Variants in ADAMTS17 observed in about 807,000 individuals in gnomAD.
The protein encoded by ADAMTS17 is A disintegrin and metalloproteinase with thrombospondin motifs 17.
Under a neutral mutation model 141.5 loss-of-function variants are expected in ADAMTS17, and 113 were observed. The ratio of observed to expected loss-of-function variants is 0.80; its 90% CI spans 0.69 to 0.93. The LOEUF is 0.93. Among genes scored for constraint, ADAMTS17 ranks in the 40% least tolerant of loss-of-function variants. The probability of loss-of-function intolerance (pLI) is 0.00; values close to 1 mark genes in which losing one functional copy is unlikely to be tolerated. For synonymous variants in ADAMTS17, 768 were observed against 630.6 expected, an observed-to-expected ratio of 1.22 and a Z score of -3.27; for missense variants, 1,659 against 1,517.9, an observed-to-expected ratio of 1.09 and a Z score of -1.54.
At chr15:100,299,237 C>T (rs552082653) in intron 3 of ADAMTS17, among the ~76,000 whole-genome samples, 1 of 152,038 alleles carries the variant, frequency 6.6e-6, no homozygotes, top group African/African-American at 2.4e-5. Flanking sequence ...ACTCATCTTC[C>T]CTGCCTCAAG....
intron 17 of ADAMTS17, 87 bp from the exon 18 acceptor site, chr15:100,049,079 G>A (rs1206459668): frequency 8.1e-6 from 13 of 1,600,630 alleles, no homozygotes; most frequent in Non-Finnish European, 1.1e-5. Flanking sequence ...AGCATGTTTG[G>A]GTGCTGCTGA....
At chr15:100,274,124 A>G (rs11247177) in intron 4 of ADAMTS17, among the ~76,000 whole-genome samples, 26,032 of 152,070 alleles carry the variant, frequency 0.17, 2,429 homozygotes, top group East Asian at 0.35. Context: ...AGAATGTCCC[A>G]TGTTCCCTTG....
chr15:100,328,286 C>T (rs1440569028), intron 3 of ADAMTS17, among the ~76,000 whole-genome samples: 2 of 152,154 alleles, frequency 1.3e-5, no homozygotes, highest in Non-Finnish European at 2.9e-5. Context: ...AAAGCTAATC[C>T]AAACTAGATA....
intron 18 of ADAMTS17, among the ~76,000 whole-genome samples, chr15:100,039,698 C>A (rs1273020463): frequency 6.6e-6 from 1 of 152,114 alleles, no homozygotes; most frequent in African/African-American, 2.4e-5. Context: ...TGTGCAAATT[C>A]TGCTGTTGTT....
intron 3 of ADAMTS17, among the ~76,000 whole-genome samples, chr15:100,325,364 G>A (rs2045867200): frequency 6.6e-6 from 1 of 152,172 alleles, no homozygotes; most frequent in Admixed American, 6.5e-5. Flanking sequence ...TTAAAATAAA[G>A]CACAACAGTG....
intron 7 of ADAMTS17, among the ~76,000 whole-genome samples, chr15:100,247,061 T>G (rs115100072): frequency 0.016 from 2,427 of 151,896 alleles, 69 homozygotes; most frequent in African/African-American, 0.056. Context: ...TTTTTTGTAT[T>G]TTTTTTGTAG....
intron 7 of ADAMTS17, among the ~76,000 whole-genome samples, chr15:100,240,063 G>A (rs1027735944): frequency 2.7e-4 from 41 of 152,178 alleles, no homozygotes; most frequent in African/African-American, 8.7e-4. Flanking sequence ...CCTGCTCCAC[G>A]TGTACCGGGA....
chr15:100,052,548 C>G (rs566735246), intron 16 of ADAMTS17, among the ~76,000 whole-genome samples: 1 of 152,302 alleles, frequency 6.6e-6, no homozygotes, highest in South Asian at 2.1e-4. Context: ...TTTACAAAGG[C>G]TTTTGGTGAA....
intron 18 of ADAMTS17, among the ~76,000 whole-genome samples, chr15:100,031,392 C>T (rs2030150918): frequency 6.6e-6 from 1 of 152,196 alleles, no homozygotes; most frequent in South Asian, 2.1e-4. Flanking sequence ...TAAAATATGT[C>T]TGCAGAAACT....
In ADAMTS17 at chr15:100,331,024, C is replaced by A; in HGVS notation, c.481G>T (p.Val161Leu). The A allele has an allele frequency of 1.2e-6, 2 of 1,614,138 alleles. No homozygotes were observed. Among genetic ancestry groups the A allele is most frequent in the Non-Finnish European group, 1.7e-6 (2 of 1,180,048 alleles). ...GAGTTGTTGAGGGGCTGGATTAGCA[C>A]CTGCTCCTGCCCAAGCTGAATGAGG... ...VGLIQLGQEQ[V>L]LIQPLNNSQG... is the part of the protein sequence containing the mutation. Residue 161 changes from valine to leucine, a missense_variant, in exon 3 of 22, where the codon GTG becomes TTG. Transcript: ENST00000268070.
chr15:100,314,942 G>C lies in ADAMTS17; in HGVS notation c.616+15947C>G, dbSNP rs549495366. Among the ~76,000 whole-genome samples the C allele has an allele frequency of 2.0e-5, 3 of 152,366 alleles. No individual in the cohort carries two copies. In the South Asian group the frequency reaches 6.2e-4, roughly 32 times the overall value. ...GCAGAAGAGGAGCCGACCGTCCCTGGAGAGTGCATTTTATAAACCGGGAAC... is the reference window on the plus strand; with the variant it reads ...GCAGAAGAGGAGCCGACCGTCCCTGCAGAGTGCATTTTATAAACCGGGAAC... On this transcript the variant is annotated intron_variant, in intron 3 of 21. Coordinates refer to ENST00000268070, the MANE Select transcript of ADAMTS17 (RefSeq NM_139057.4).
At chr15:100,154,090 A>G in intron 9 of ADAMTS17, among the ~76,000 whole-genome samples, 1 of 152,160 alleles carries the variant, frequency 6.6e-6, no homozygotes, top group Non-Finnish European at 1.5e-5. Flanking sequence ...CTGAGGCAGG[A>G]GAATTGCTTG....
At chr15:100,154,323 A>G (rs1022957817) in intron 9 of ADAMTS17, among the ~76,000 whole-genome samples, 1 of 152,222 alleles carries the variant, frequency 6.6e-6, no homozygotes, top group Non-Finnish European at 1.5e-5. Flanking sequence ...AAAAGTAATG[A>G]GTGCATTGTT....
chr15:100,333,494 G>A (rs1380793252), intron 2 of ADAMTS17, among the ~76,000 whole-genome samples: 1 of 152,180 alleles, frequency 6.6e-6, no homozygotes, highest in Non-Finnish European at 1.5e-5. Context: ...AGGTGACCAG[G>A]AAAATTCAAT....
chr15:100,274,673 A>G, intron 4 of ADAMTS17, among the ~76,000 whole-genome samples: 1 of 152,210 alleles, frequency 6.6e-6, no homozygotes, highest in East Asian at 1.9e-4. Flanking sequence ...ACTTCAAGTA[A>G]TTACTGATAA....
chr15:100,133,282 C>T lies in ADAMTS17; in HGVS notation c.1507G>A (p.Glu503Lys), dbSNP rs778140479. Residue 503 changes from glutamate (E) to lysine (K), a missense_variant, in exon 11 of 22, where the codon GAA becomes AAA. Physicochemically the swap from Glu to Lys is moderately conservative, Grantham distance 56. Transcript: ENST00000268070. ...LMCAGLWCLV[E>K]GDTSCKTKLD... ...TTGGTCTTGCAGGATGTGTCTCCTT[C>T]TACCAGGCACCACAGTCCAGCACAC... 50 of 1,596,098 alleles carry T rather than the reference C, an allele frequency of 3.1e-5. 1 individual carries two copies. In the South Asian group the frequency reaches 5.7e-4, roughly 18 times the overall value.
At chr15:99,977,401 A>ATATATATATTT (rs2060384375) in intron 20 of ADAMTS17, among the ~76,000 whole-genome samples, 2 of 5,154 alleles carry the variant, frequency 3.9e-4, no homozygotes, top group African/African-American at 6.2e-4. Context: ...TATATATATA[A>ATATATATATTT]TTTTTTTTTT....
At chr15:100,322,172 C>T (rs572716670) in intron 3 of ADAMTS17, among the ~76,000 whole-genome samples, 1 of 152,310 alleles carries the variant, frequency 6.6e-6, no homozygotes, top group South Asian at 2.1e-4. Flanking sequence ...AAGGCCTGGT[C>T]AGTGCCATGC....
At chr15:100,120,743 G>T (rs1413105576) in intron 12 of ADAMTS17, among the ~76,000 whole-genome samples, 1 of 152,204 alleles carries the variant, frequency 6.6e-6, no homozygotes, top group Non-Finnish European at 1.5e-5. Flanking sequence ...ACACCCTGGG[G>T]AAGGGGTACA....
Sources: gnomAD v4.1 joint callset for allele counts (sites outside exome capture counted in the v4.1 genomes callset) on GRCh38, gnomAD v4.1.1 for gene constraint, MANE v1.5 for transcripts, NCBI Gene and HGNC (gene_info 2026-07-23, HGNC 2026-07-21) for gene names.